Variants in XKR6 observed in about 807,000 individuals in gnomAD.
XKR6 encodes XK-related protein 6.
Under a neutral mutation model 56.7 loss-of-function variants are expected in XKR6, and 22 were observed. The ratio of observed to expected loss-of-function variants is 0.39; its 90% CI spans 0.28 to 0.55. The LOEUF is 0.55. XKR6 is among the 20% of genes least tolerant of loss of function. The pLI is 0.66. For missense variants in XKR6, 852 were observed against 889.0 expected, an observed-to-expected ratio of 0.96 and a Z score of 0.53; for synonymous variants, 524 against 387.8, an observed-to-expected ratio of 1.35 and a Z score of -4.13.
chr8:10,971,117 G>C (rs991790791), intron 1 of XKR6, among the ~76,000 whole-genome samples: 1 of 151,356 alleles, frequency 6.6e-6, no homozygotes, highest in African/African-American at 2.4e-5. Flanking sequence ...TCCTGTTCTT[G>C]TGTGTTTTAA....
intron 1 of XKR6, among the ~76,000 whole-genome samples, chr8:10,960,767 C>G (rs554599872): frequency 6.6e-5 from 10 of 152,334 alleles, no homozygotes; most frequent in African/African-American, 2.4e-4. Flanking sequence ...CTCTCACTCC[C>G]TCATCTAATC....
chr8:11,178,676 A>AAT (rs375693953), intron 1 of XKR6, among the ~76,000 whole-genome samples: 1,496 of 132,850 alleles, frequency 0.011, 20 homozygotes, highest in African/African-American at 0.03. Flanking sequence ...CACAGAGATA[A>AAT]ATATATATAT....
intron 1 of XKR6, among the ~76,000 whole-genome samples, chr8:11,025,001 C>G (rs972956686): frequency 6.6e-6 from 1 of 152,204 alleles, no homozygotes; most frequent in African/African-American, 2.4e-5. Context: ...TAACCAAAGT[C>G]CACAGGAGGG....
chr8:10,957,778 C>A (rs1394350395), intron 1 of XKR6, among the ~76,000 whole-genome samples: 2 of 152,142 alleles, frequency 1.3e-5, no homozygotes, highest in Non-Finnish European at 2.9e-5. Flanking sequence ...CTCCTCAGAA[C>A]AAGCGAAACT....
intron 1 of XKR6, among the ~76,000 whole-genome samples, chr8:11,093,318 G>A (rs1798145265): frequency 6.6e-6 from 1 of 152,194 alleles, no homozygotes; most frequent in South Asian, 2.1e-4. Flanking sequence ...GCCTCCCAAA[G>A]TGCTGAGATT....
At chr8:11,195,310 A>C in intron 1 of XKR6, 1 of 621,462 alleles carries the variant, frequency 1.6e-6, no homozygotes, top group Admixed American at 2.8e-5. Context: ...ATTTCTGTTT[A>C]CCTAAGGTAG....
intron 1 of XKR6, among the ~76,000 whole-genome samples, chr8:11,195,644 C>T (rs571090981): frequency 6.6e-6 from 1 of 151,726 alleles, no homozygotes; most frequent in South Asian, 2.1e-4. Flanking sequence ...AAAAATCCCA[C>T]TGAGTTTCTT....
At chr8:10,989,507 A>G (rs1797939504) in intron 1 of XKR6, among the ~76,000 whole-genome samples, 1 of 152,232 alleles carries the variant, frequency 6.6e-6, no homozygotes, top group Admixed American at 6.5e-5. Context: ...CCAGGGAAGA[A>G]GAGAAAAGGA....
intron 1 of XKR6, among the ~76,000 whole-genome samples, chr8:11,152,734 T>G (rs950542341): frequency 6.6e-6 from 1 of 152,248 alleles, no homozygotes; most frequent in Admixed American, 6.5e-5. Flanking sequence ...AGAAATGACA[T>G]GTTGATCCTC....
intron 1 of XKR6, among the ~76,000 whole-genome samples, chr8:11,016,875 G>A (rs1402603318): frequency 6.6e-6 from 1 of 152,140 alleles, no homozygotes; most frequent in Non-Finnish European, 1.5e-5. Context: ...TCACCTCCTC[G>A]GAGACCCTCC....
chr8:11,171,392 T>C (rs955026235), intron 1 of XKR6, among the ~76,000 whole-genome samples: 7 of 152,244 alleles, frequency 4.6e-5, no homozygotes, highest in Non-Finnish European at 7.3e-5. Context: ...CATTACTCCA[T>C]GCTATAGAGT....
chr8:10,974,189 G>A (rs994057984), intron 1 of XKR6, among the ~76,000 whole-genome samples: 5 of 152,216 alleles, frequency 3.3e-5, no homozygotes, highest in African/African-American at 1.2e-4. Context: ...CTGGGCTCAG[G>A]AGATGCTGGT....
chr8:11,187,937 C>G (rs903813592), intron 1 of XKR6, among the ~76,000 whole-genome samples: 2 of 152,200 alleles, frequency 1.3e-5, no homozygotes, highest in Non-Finnish European at 2.9e-5. Context: ...AAGAGTTAAG[C>G]CTCCCTGTAT....
rs116280747 is a variant in XKR6 at position 11,115,610 on chromosome 8, T to C, written c.764+84966A>G. 6.4e-3 allele frequency among the ~76,000 whole-genome samples: 955 copies of C among 149,426 alleles called. 15 individuals are homozygous for C. Among genetic ancestry groups the C allele is most frequent in the African/African-American group, 0.023 (921 of 39,506 alleles). ...GGTTCTACATATACCAATGACATTT[T>C]TTAATTGTGTGGGAATATGATACGT... On this transcript the variant is annotated intron_variant, in intron 1 of 2. Coordinates refer to ENST00000416569, the MANE Select transcript of XKR6 (RefSeq NM_173683.4).
chr8:10,940,638 C>T (rs565231124), intron 1 of XKR6, among the ~76,000 whole-genome samples: 37 of 152,320 alleles, frequency 2.4e-4, no homozygotes, highest in Admixed American at 1.8e-3. Context: ...AGGTCCCACC[C>T]TCCTCCTGGG....
chr8:11,122,067 G>A (rs1799486845), intron 1 of XKR6, among the ~76,000 whole-genome samples: 1 of 152,208 alleles, frequency 6.6e-6, no homozygotes, highest in Non-Finnish European at 1.5e-5. Context: ...GCCATAAAGT[G>A]AGTGATAATC....
At chr8:11,117,163 G>A (rs1022980421) in intron 1 of XKR6, among the ~76,000 whole-genome samples, 3 of 152,168 alleles carry the variant, frequency 2.0e-5, no homozygotes, top group Non-Finnish European at 2.9e-5. Flanking sequence ...TGTTTCCTTA[G>A]TTTAGACTGA....
At chr8:10,928,911 A>T (rs962696683) in intron 1 of XKR6, among the ~76,000 whole-genome samples, 2 of 152,232 alleles carry the variant, frequency 1.3e-5, no homozygotes, top group Non-Finnish European at 2.9e-5. Flanking sequence ...CTGTCACGCC[A>T]TATCTGCCCT....
intron 1 of XKR6, among the ~76,000 whole-genome samples, chr8:11,174,218 T>C (rs896988403): frequency 5.3e-5 from 8 of 152,202 alleles, no homozygotes; most frequent in Admixed American, 5.2e-4. Context: ...AACCTCAAAT[T>C]GCATTAGGAA....
Sources: allele counts gnomAD v4.1 joint callset (sites outside exome capture counted in the v4.1 genomes callset), GRCh38; gene constraint gnomAD v4.1.1; transcripts MANE v1.5; gene names NCBI Gene and HGNC (gene_info 2026-07-23, HGNC 2026-07-21).